The following COL14A1 variants were observed in gnomAD, a reference collection of about 807,000 sequenced individuals.
The protein encoded by COL14A1 is collagen alpha-1(XIV) chain.
Under a neutral mutation model 230.3 loss-of-function variants are expected in COL14A1, and 136 were observed. The observed-to-expected ratio is 0.59, with a 90% CI of 0.51 to 0.68. The LOEUF (loss-of-function observed/expected upper bound fraction) is 0.68. COL14A1 is among the 30% of genes least tolerant of loss of function. The pLI, the probability that COL14A1 is intolerant of heterozygous loss-of-function variation, is 0.00. For missense variants in COL14A1, 1,976 were observed against 2,215.8 expected, an observed-to-expected ratio of 0.89 and a Z score of 2.17; for synonymous variants, 792 against 784.1, an observed-to-expected ratio of 1.01 and a Z score of -0.17.
At chr8:120,218,103 A>G (rs1817815855) in intron 14 of COL14A1, among the ~76,000 whole-genome samples, 1 of 137,690 alleles carries the variant, frequency 7.3e-6, no homozygotes, top group Non-Finnish European at 1.6e-5. Context: ...TAAATACATA[A>G]ATATATAAGT....
At chr8:120,262,770 T>TA (rs1412501820) in intron 23 of COL14A1, 98 bp from the exon 24 acceptor site, 2 of 1,193,132 alleles carry the variant, frequency 1.7e-6, no homozygotes, top group Admixed American at 5.0e-5. Flanking sequence ...TGATGTGGGC[T>TA]AACATGTGAA....
Position 120,283,638 on chromosome 8 carries a change from A to G in COL14A1, c.3827A>G (p.Tyr1276Cys). 2 of 1,607,538 alleles carry G rather than the reference A, an allele frequency of 1.2e-6. No homozygotes were observed. The highest frequency in any genetic ancestry group is 1.7e-6 in the Non-Finnish European group (2 of 1,178,310). ...KDALVSQPTR[Y>C]LHPEGLPSDY... The stretch of plus-strand genomic sequence containing the variant: ...CATGGTTTTCTTTCTATGTTCAGGT[A>G]CTTGCACCCAGAAGGATTGCCCTCC... The change falls in exon 32 of 48, where the codon TAC (tyrosine) becomes TGC (cysteine). Residue 1276 changes from tyrosine (Y) to cysteine (C), a missense_variant and splice_region_variant. This residue lies in a region of COL14A1 where 1,791 missense variants were observed against 2,019.5 expected (regional missense o/e 0.89). Coordinates refer to ENST00000297848, the MANE Select transcript of COL14A1 (RefSeq NM_021110.4).
chr8:120,155,912 A>G (rs1391395441), intron 2 of COL14A1, among the ~76,000 whole-genome samples: 1 of 152,140 alleles, frequency 6.6e-6, no homozygotes, highest in Non-Finnish European at 1.5e-5. Context: ...CTTATGATAA[A>G]TTTATGCTTT....
At chr8:120,131,115 A>G (rs191216514) in intron 1 of COL14A1, among the ~76,000 whole-genome samples, 6 of 152,272 alleles carry the variant, frequency 3.9e-5, no homozygotes, top group Non-Finnish European at 8.8e-5. Flanking sequence ...TATCCAGTCC[A>G]CCATTGATGA....
chr8:120,183,843 T>C (rs1196196230), intron 5 of COL14A1, among the ~76,000 whole-genome samples: 1 of 152,194 alleles, frequency 6.6e-6, no homozygotes, highest in Non-Finnish European at 1.5e-5. Flanking sequence ...TTCTTTCCTT[T>C]CTTCTTTCCT....
chr8:120,176,332 G>A (rs892161291), intron 5 of COL14A1, among the ~76,000 whole-genome samples: 2 of 152,136 alleles, frequency 1.3e-5, no homozygotes, highest in Non-Finnish European at 2.9e-5. Context: ...CAACACATGT[G>A]CTCAATGCCT....
At chr8:120,134,329 T>G (rs1814639750) in intron 1 of COL14A1, among the ~76,000 whole-genome samples, 1 of 151,936 alleles carries the variant, frequency 6.6e-6, no homozygotes, top group Non-Finnish European at 1.5e-5. Flanking sequence ...AAATAGAAAA[T>G]CGATAGATTC....
Position 120,200,715 on chromosome 8 carries a change from T to TTATATATA in COL14A1, c.877+1193_877+1200dup, listed in dbSNP as rs34177030. Among the ~76,000 whole-genome samples the TTATATATA allele has an allele frequency of 4.1e-3, 349 of 85,570 alleles. 1 individual carries two copies. The highest frequency in any genetic ancestry group is 6.2e-3 in the Non-Finnish European group (256 of 41,126). 56.1% of individuals were successfully genotyped at this position (85,570 alleles called of 152,430 possible). On this transcript the variant is annotated intron_variant, in intron 8 of 47. Coordinates refer to ENST00000297848, the MANE Select transcript of COL14A1 (RefSeq NM_021110.4). ...GAAAGATCCTAAAAAGTTTTCCTAT[T>TTATATATA]TATATATATATATATATATATATAT...
chr8:120,223,684 C>CA (rs1177724684), intron 14 of COL14A1, among the ~76,000 whole-genome samples: 3 of 151,756 alleles, frequency 2.0e-5, no homozygotes, highest in Admixed American at 6.6e-5. Flanking sequence ...AAAACAACAA[C>CA]AAAAAAAGGG....
chr8:120,371,740 T>C lies in COL14A1; in HGVS notation c.*509T>C, dbSNP rs1397892143. On this transcript the variant is annotated 3_prime_UTR_variant, in exon 48 of 48. Transcript: ENST00000297848. ...CTTGTTTAATTGATCTGTCCAACTC[T>C]GAGATCACTTGGTAACTGGTTTCAT... 1.0e-5 allele frequency: 4 copies of C among 396,972 alleles called. No homozygotes were observed. The highest frequency in any genetic ancestry group is 1.8e-5 in the Non-Finnish European group (4 of 224,776). The allele number at this position is 396,972 out of a possible 1,614,324, so 24.6% of individuals were successfully genotyped here.
chr8:120,221,866 A>G (rs983648133), intron 14 of COL14A1, among the ~76,000 whole-genome samples: 2 of 152,204 alleles, frequency 1.3e-5, no homozygotes, highest in African/African-American at 2.4e-5. Flanking sequence ...TCTAAATAAG[A>G]CAATATGTAT....
chr8:120,301,619 G>T (rs1820713139), intron 36 of COL14A1, among the ~76,000 whole-genome samples: 1 of 152,228 alleles, frequency 6.6e-6, no homozygotes, highest in East Asian at 1.9e-4. Context: ...GGGCATTTAG[G>T]TTGATTCCAT....
intron 23 of COL14A1, among the ~76,000 whole-genome samples, chr8:120,256,984 A>C (rs539830061): frequency 1.6e-4 from 25 of 152,376 alleles, no homozygotes; most frequent in African/African-American, 6.0e-4. Flanking sequence ...TGGCTTTATC[A>C]ATGGAATCAA....
intron 18 of COL14A1, among the ~76,000 whole-genome samples, chr8:120,231,026 G>A (rs920902987): frequency 6.6e-6 from 1 of 152,172 alleles, no homozygotes; most frequent in African/African-American, 2.4e-5. Flanking sequence ...AGAAATGGAG[G>A]TGAGGGCAGG....
intron 40 of COL14A1, among the ~76,000 whole-genome samples, chr8:120,317,210 AAC>A (rs1821263045): frequency 6.6e-6 from 1 of 152,192 alleles, no homozygotes; most frequent in South Asian, 2.1e-4. Flanking sequence ...TAGGTTAGCA[AAC>A]AATTGACTTG....
intron 26 of COL14A1, among the ~76,000 whole-genome samples, chr8:120,270,400 G>A (rs189586097): frequency 1.3e-5 from 2 of 151,582 alleles, no homozygotes; most frequent in Non-Finnish European, 3.0e-5. Context: ...ACTAAAACAA[G>A]GTAGAAAGTC....
At position 120,373,332 on chromosome 8, in the gene COL14A1, T is replaced by C. The variant is rs1388251372; in HGVS notation, c.*2101T>C. ...TATTTAAGCTGCAAGAAAGTTACAT[T>C]AATTTGGAATGTGTCATCACTTGGA... On this transcript the variant is annotated 3_prime_UTR_variant, in exon 48 of 48. Transcript: ENST00000297848. 2.0e-5 allele frequency among the ~76,000 whole-genome samples: 3 copies of C among 152,174 alleles called. No homozygotes were observed. Among genetic ancestry groups the C allele is most frequent in the Non-Finnish European group, 4.4e-5 (3 of 68,030 alleles).
At chr8:120,166,519 T>C (rs1164014731) in intron 4 of COL14A1, among the ~76,000 whole-genome samples, 3 of 151,956 alleles carry the variant, frequency 2.0e-5, no homozygotes, top group South Asian at 4.1e-4. Flanking sequence ...TCTGAATTTA[T>C]TACTAGTCTT....
intron 9 of COL14A1, among the ~76,000 whole-genome samples, chr8:120,205,833 A>T (rs1372628461): frequency 6.6e-6 from 1 of 152,208 alleles, no homozygotes; most frequent in Non-Finnish European, 1.5e-5. Flanking sequence ...TTAAAAATTG[A>T]GATTATTAAA....
Sources: allele counts gnomAD v4.1 joint callset (sites outside exome capture counted in the v4.1 genomes callset), GRCh38; gene constraint gnomAD v4.1.1; regional missense constraint gnomAD v4.1.1; transcripts MANE v1.5; gene names NCBI Gene and HGNC (gene_info 2026-07-23, HGNC 2026-07-21).